KCNIP4: variants seen among roughly 807,000 people sequenced by gnomAD.
KCNIP4 encodes the protein Kv channel-interacting protein 4.
In KCNIP4, 12 loss-of-function variants were observed where a neutral mutation model predicts 34.0. The ratio of observed to expected loss-of-function variants is 0.35; its 90% CI spans 0.23 to 0.57. KCNIP4 has a LOEUF of 0.57. Ranked by LOEUF, KCNIP4 falls within the 20% of genes least tolerant of loss-of-function variation. The pLI, the probability that KCNIP4 is intolerant of heterozygous loss-of-function variation, is 0.83. For synonymous variants in KCNIP4, 124 were observed against 102.2 expected, an observed-to-expected ratio of 1.21 and a Z score of -1.29; for missense variants, 238 against 311.7, an observed-to-expected ratio of 0.76 and a Z score of 1.78.
At chr4:21,892,206 A>G (rs1727136455) in intron 1 of KCNIP4, among the ~76,000 whole-genome samples, 1 of 152,100 alleles carries the variant, frequency 6.6e-6, no homozygotes, top group Admixed American at 6.6e-5. Flanking sequence ...CCAAGGGTAA[A>G]TTAACTATTG....
chr4:21,127,198 C>T (rs1750692995), intron 1 of KCNIP4, among the ~76,000 whole-genome samples: 1 of 152,182 alleles, frequency 6.6e-6, no homozygotes, highest in South Asian at 2.1e-4. Context: ...CCCAGGATGT[C>T]AGTTCTCTTA....
chr4:21,181,463 T>C (rs2109323533), intron 1 of KCNIP4, among the ~76,000 whole-genome samples: 1 of 152,274 alleles, frequency 6.6e-6, no homozygotes, highest in South Asian at 2.1e-4. Context: ...GAGTATCACA[T>C]GGATTGCACT....
intron 1 of KCNIP4, among the ~76,000 whole-genome samples, chr4:21,070,738 C>T (rs1299097327): frequency 8.6e-6 from 1 of 116,690 alleles, no homozygotes; most frequent in Non-Finnish European, 1.6e-5. Context: ...TGCGGTGGTG[C>T]AATCTCGGCT....
intron 1 of KCNIP4, among the ~76,000 whole-genome samples, chr4:21,480,201 GA>G (rs933725827): frequency 3.4e-4 from 52 of 151,802 alleles, no homozygotes; most frequent in Non-Finnish European, 6.8e-4. Context: ...ATGATAAAAT[GA>G]AACCAAATTT....
rs1346800055 is a variant in KCNIP4, at chr4:20,803,714, AG to A, written c.289-44825del. 3.5e-4 allele frequency among the ~76,000 whole-genome samples: 42 copies of A among 118,786 alleles called. 2 individuals are homozygous for A. In the South Asian group the frequency reaches 0.013, roughly 37 times the overall value. The allele number at this position is 118,786 out of a possible 152,430, so 77.9% of individuals were successfully genotyped here. A position where few individuals can be genotyped will look rare whatever the true frequency, so the allele number is the denominator to read the frequency against. ...GAGAGAGAGAGAGAAAGAGAGAGAG[AG>A]AGAGAGAGAGAGAGGAAGGAAGGAA... On this transcript the variant is annotated intron_variant, in intron 3 of 8. Coordinates refer to ENST00000382152, the MANE Select transcript of KCNIP4 (RefSeq NM_025221.6).
intron 1 of KCNIP4, among the ~76,000 whole-genome samples, chr4:21,483,064 A>G (rs1388310453): frequency 9.4e-6 from 1 of 106,090 alleles, no homozygotes; most frequent in Admixed American, 1.4e-4. Context: ...AACATCACAC[A>G]CTGGGGCCTG....
intron 1 of KCNIP4, chr4:20,983,964 T>G: frequency 6.5e-7 from 1 of 1,533,598 alleles, no homozygotes; most frequent in Non-Finnish European, 8.7e-7. Flanking sequence ...CCAGACCCCT[T>G]TGGAGTGGAG....
chr4:21,598,114 A>T (rs1742799925), intron 1 of KCNIP4, among the ~76,000 whole-genome samples: 1 of 152,100 alleles, frequency 6.6e-6, no homozygotes, highest in South Asian at 2.1e-4. Flanking sequence ...CCATTAAATG[A>T]AAGGAGAGAA....
At chr4:20,851,647 C>A (rs1034614293) in intron 2 of KCNIP4, among the ~76,000 whole-genome samples, 2 of 152,134 alleles carry the variant, frequency 1.3e-5, no homozygotes, top group Admixed American at 6.5e-5. Context: ...CACACTCCCA[C>A]CAACAGTGTA....
intron 1 of KCNIP4, among the ~76,000 whole-genome samples, chr4:21,540,676 T>C (rs1329491200): frequency 6.6e-6 from 1 of 152,132 alleles, no homozygotes; most frequent in Non-Finnish European, 1.5e-5. Context: ...GAAAAACTAG[T>C]TTAATCTTGT....
intron 1 of KCNIP4, among the ~76,000 whole-genome samples, chr4:21,247,834 G>T (rs555200615): frequency 3.0e-5 from 2 of 66,462 alleles, no homozygotes; most frequent in East Asian, 3.6e-4. Flanking sequence ...CACACACACA[G>T]ACACCACAGG....
intron 1 of KCNIP4, among the ~76,000 whole-genome samples, chr4:21,529,878 G>A (rs1337752082): frequency 6.6e-6 from 1 of 152,148 alleles, no homozygotes. Flanking sequence ...CTTTGATCAT[G>A]TTCAGTGAAT....
intron 1 of KCNIP4, among the ~76,000 whole-genome samples, chr4:21,121,639 G>A (rs779644927): frequency 9.2e-5 from 14 of 152,264 alleles, no homozygotes; most frequent in African/African-American, 2.2e-4. Flanking sequence ...TTAACCTGTC[G>A]GAACTACATA....
intron 1 of KCNIP4, among the ~76,000 whole-genome samples, chr4:21,452,847 C>A (rs1728625467): frequency 8.4e-6 from 1 of 119,644 alleles, no homozygotes; most frequent in Non-Finnish European, 1.7e-5. Context: ...ATACTTAATA[C>A]CATGCAAGTT....
At chr4:20,781,541 C>A (rs1308535334) in intron 3 of KCNIP4, among the ~76,000 whole-genome samples, 3 of 152,116 alleles carry the variant, frequency 2.0e-5, no homozygotes, top group Non-Finnish European at 4.4e-5. Flanking sequence ...GCAGAAGGCA[C>A]TTCTTACATG....
At chr4:21,526,155 A>G (rs766339949) in intron 1 of KCNIP4, among the ~76,000 whole-genome samples, 2 of 152,192 alleles carry the variant, frequency 1.3e-5, no homozygotes, top group Non-Finnish European at 2.9e-5. Flanking sequence ...CCCAAATCAC[A>G]GCTTGAATTG....
chr4:21,912,057 A>G (rs1235609308), intron 1 of KCNIP4, among the ~76,000 whole-genome samples: 2 of 152,124 alleles, frequency 1.3e-5, no homozygotes, highest in Non-Finnish European at 2.9e-5. Flanking sequence ...TGCTATAACC[A>G]TAACTGCAAC....
intron 1 of KCNIP4, among the ~76,000 whole-genome samples, chr4:21,853,443 T>C (rs1203679422): frequency 6.6e-6 from 1 of 152,178 alleles, no homozygotes; most frequent in Non-Finnish European, 1.5e-5. Context: ...GCTTGTTTCT[T>C]CCTACTTATT....
At chr4:21,061,261 G>C (rs757786247) in intron 1 of KCNIP4, among the ~76,000 whole-genome samples, 1 of 151,964 alleles carries the variant, frequency 6.6e-6, no homozygotes. Flanking sequence ...ATATACTATA[G>C]GGTTTTGTCA....
Sources: allele counts gnomAD v4.1 joint callset (sites outside exome capture counted in the v4.1 genomes callset), GRCh38; gene constraint gnomAD v4.1.1; transcripts MANE v1.5; gene names NCBI Gene and HGNC (gene_info 2026-07-23, HGNC 2026-07-21).